Variants in ARHGAP35 observed in about 807,000 individuals in gnomAD.
The protein encoded by ARHGAP35 is rho GTPase-activating protein 35.
A neutral mutation model predicts 111.1 loss-of-function variants in ARHGAP35; 15 were observed. That is an observed-to-expected ratio of 0.13 (90% CI 0.09 to 0.21). The LOEUF (loss-of-function observed/expected upper bound fraction) is 0.21, where lower values mean the gene tolerates loss of function less well. Among genes scored for constraint, ARHGAP35 ranks in the 10% least tolerant of loss-of-function variants. The probability of loss-of-function intolerance (pLI) is 1.00; values close to 1 mark genes in which losing one functional copy is unlikely to be tolerated. For missense variants in ARHGAP35, 1,262 were observed against 1,873.0 expected (o/e 0.67, Z 6.02); for synonymous variants, 643 against 710.3 (o/e 0.91, Z 1.51).
chr19:46,935,840 T>A (rs931946370), intron 2 of ARHGAP35, among the ~76,000 whole-genome samples: 1 of 152,206 alleles, frequency 6.6e-6, no homozygotes, highest in Non-Finnish European at 1.5e-5. Flanking sequence ...TTAGAGTAAT[T>A]TTTTCTCCAT....
chr19:46,944,118 G>A (rs2056364869), intron 3 of ARHGAP35, among the ~76,000 whole-genome samples: 1 of 151,976 alleles, frequency 6.6e-6, no homozygotes, highest in African/African-American at 2.4e-5. Context: ...CTGGCAACAT[G>A]GTAAAATCCT....
At chr19:46,891,734 G>C (rs374909672) in intron 1 of ARHGAP35, among the ~76,000 whole-genome samples, 37 of 152,222 alleles carry the variant, frequency 2.4e-4, no homozygotes, top group African/African-American at 8.7e-4. Context: ...CAGGGCAAAG[G>C]TTCTTAATCC....
In ARHGAP35 at chr19:46,908,161, A is replaced by C. The variant is rs2056120409; in HGVS notation, c.-188-10327A>C. 6.6e-6 allele frequency among the ~76,000 whole-genome samples: 1 copy of C among 152,204 alleles called. No individual in the cohort carries two copies. The highest frequency in any genetic ancestry group is 1.5e-5 in the Non-Finnish European group (1 of 68,030). The stretch of plus-strand genomic sequence containing the variant: ...ATTTATATAGAGAATGTTCTTTCAA[A>C]AAGAACTTTTTTCCTAGTGAGAAGT... On this transcript the variant is annotated intron_variant, in intron 1 of 6. Coordinates refer to ENST00000672722, the MANE Select transcript of ARHGAP35 (RefSeq NM_004491.5). The surrounding 1 kb of genome is among the most constrained non-coding windows in gnomAD (Gnocchi z 4.2).
At position 47,001,539 on chromosome 19, in the gene ARHGAP35, G is replaced by T. The variant is rs1477200347; in HGVS notation, c.*851G>T. On this transcript the variant is annotated 3_prime_UTR_variant, in exon 7 of 7. Coordinates refer to ENST00000672722, the MANE Select transcript of ARHGAP35 (RefSeq NM_004491.5). This position sits in a 1 kb window ranked among gnomAD's most constrained non-coding sequence, Gnocchi z 5.4. The stretch of plus-strand genomic sequence containing the variant: ...TGTGGCAGCAAAACCAGGATGCCTG[G>T]AGCTGTGGCCTGAGGGCCTGCTGGG... 6.4e-6 allele frequency: 4 copies of T among 621,624 alleles called. No individual in the cohort carries two copies. Among genetic ancestry groups the T allele is most frequent in the Admixed American group, 3.1e-5 (1 of 32,648 alleles). The allele number at this position is 621,624 out of a possible 1,614,324, so 38.5% of individuals were successfully genotyped here. A position where few individuals can be genotyped will look rare whatever the true frequency, so the allele number is the denominator to read the frequency against.
chr19:46,984,902 A>G (rs968617867), intron 3 of ARHGAP35, among the ~76,000 whole-genome samples: 3 of 152,210 alleles, frequency 2.0e-5, no homozygotes, highest in Non-Finnish European at 4.4e-5. Context: ...GTCCCGCTGA[A>G]GGTCAGGGTC....
intron 1 of ARHGAP35, among the ~76,000 whole-genome samples, chr19:46,861,705 C>T (rs2055829013): frequency 6.6e-6 from 1 of 152,112 alleles, no homozygotes; most frequent in African/African-American, 2.4e-5. Context: ...CGATTCTGCT[C>T]TCACCACCCT....
chr19:46,928,869 T>C (rs912989793), intron 2 of ARHGAP35, among the ~76,000 whole-genome samples: 26 of 151,850 alleles, frequency 1.7e-4, no homozygotes, highest in African/African-American at 6.1e-4. Flanking sequence ...GAGGCAGATA[T>C]TGCAGTGAGC....
At chr19:46,957,644 G>A (rs907024172) in intron 3 of ARHGAP35, among the ~76,000 whole-genome samples, 4 of 152,190 alleles carry the variant, frequency 2.6e-5, no homozygotes, top group Admixed American at 6.5e-5. Context: ...TGTTAAATGT[G>A]TGGCTTAGAT....
Position 46,921,688 on chromosome 19 carries a change from C to T in ARHGAP35, c.3013C>T (p.Leu1005=), listed in dbSNP as rs147936819. Residue 1005 remains leucine, a synonymous_variant, in exon 2 of 7, where the codon CTG becomes TTG. Transcript: ENST00000672722. The surrounding 1 kb of genome is among the most constrained non-coding windows in gnomAD (Gnocchi z 4.3). The part of the protein sequence containing the change: ...LFREDTSLPS[L]SKDHSKLSME... ...TCGAGAAGACACATCACTGCCTTCTCTGTCCAAAGACCATTCTAAGCTCTC... is the reference window on the plus strand; with the variant it reads ...TCGAGAAGACACATCACTGCCTTCTTTGTCCAAAGACCATTCTAAGCTCTC... The T allele has an allele frequency of 1.2e-4, 186 of 1,614,012 alleles. No individual in the cohort carries two copies. In the African/African-American group the frequency reaches 2.3e-3, roughly 20 times the overall value.
intron 3 of ARHGAP35, among the ~76,000 whole-genome samples, chr19:46,950,420 A>G (rs2056404895): frequency 6.6e-6 from 1 of 152,234 alleles, no homozygotes; most frequent in South Asian, 2.1e-4. Flanking sequence ...ATATGTGTGC[A>G]CTTACATTGG....
chr19:46,937,858 C>G (rs1051005972), intron 3 of ARHGAP35, among the ~76,000 whole-genome samples: 8 of 152,162 alleles, frequency 5.3e-5, no homozygotes, highest in Admixed American at 4.6e-4. Flanking sequence ...GTTCGGATGC[C>G]TGAGACCCAT....
At chr19:46,903,644 T>C (rs2056091832) in intron 1 of ARHGAP35, among the ~76,000 whole-genome samples, 1 of 152,228 alleles carries the variant, frequency 6.6e-6, no homozygotes, top group Admixed American at 6.5e-5. Context: ...CCTGATTTCC[T>C]TCTTAAGTCC....
chr19:46,898,799 TGCTGCTGCTGCTGTTGGA>T (rs1355429335), intron 1 of ARHGAP35, among the ~76,000 whole-genome samples: 1 of 152,070 alleles, frequency 6.6e-6, no homozygotes, highest in Non-Finnish European at 1.5e-5. Flanking sequence ...CTGCTGCTGC[TGCTGCTGCTGCTGTTGGA>T]GCTGTATTGC....
intron 2 of ARHGAP35, among the ~76,000 whole-genome samples, chr19:46,935,310 C>G (rs1342692352): frequency 6.6e-6 from 1 of 152,216 alleles, no homozygotes; most frequent in African/African-American, 2.4e-5. Flanking sequence ...AGGTAGCAGG[C>G]TGAATGAAGA....
intron 3 of ARHGAP35, among the ~76,000 whole-genome samples, chr19:46,961,526 G>A (rs552997457): frequency 6.6e-6 from 1 of 152,188 alleles, no homozygotes; most frequent in African/African-American, 2.4e-5. Context: ...CCACAACATG[G>A]GTGAATCTCA....
In ARHGAP35 at chr19:46,919,044, C is replaced by T; in HGVS notation, c.369C>T (p.Thr123=). The change falls in exon 2 of 7, where the codon ACC becomes ACT. Residue 123 remains threonine (T), a synonymous_variant. Coordinates refer to ENST00000672722, the MANE Select transcript of ARHGAP35 (RefSeq NM_004491.5). The surrounding 1 kb of genome is among the most constrained non-coding windows in gnomAD (Gnocchi z 6.2). ...CCTATATCAAGAGAGCTGCTGCGAC[C>T]AAGCTTGCATCAGCTGAAAAACTCA... ...LQPYIKRAAA[T]KLASAEKLMY... 3 of 1,613,982 alleles carry T rather than the reference C, an allele frequency of 1.9e-6. No individual in the cohort carries two copies. The highest frequency in any genetic ancestry group is 2.5e-6 in the Non-Finnish European group (3 of 1,179,884).
intron 1 of ARHGAP35, among the ~76,000 whole-genome samples, chr19:46,864,785 G>C (rs985954935): frequency 6.6e-6 from 1 of 152,118 alleles, no homozygotes; most frequent in Admixed American, 6.5e-5. Context: ...TTTTAGCCTT[G>C]TGTGTCATGA....
rs553190908 is a variant in ARHGAP35, at chr19:46,862,637, C to G, written c.-189+1428C>G. 1.4e-4 allele frequency among the ~76,000 whole-genome samples: 22 copies of G among 152,278 alleles called. No homozygotes were observed. In the South Asian group the frequency reaches 3.7e-3, roughly 26 times the overall value. Reference sequence around the variant, plus strand: ...TTATTTAGTGTTTCCCTCCCCAGCTCGGCTCCTTCGGAGCTGTCCACTTGC... The same window carrying G: ...TTATTTAGTGTTTCCCTCCCCAGCTGGGCTCCTTCGGAGCTGTCCACTTGC... On this transcript the variant is annotated intron_variant, in intron 1 of 6. Transcript: ENST00000672722.
chr19:46,955,734 T>C (rs1336406830), intron 3 of ARHGAP35, among the ~76,000 whole-genome samples: 2 of 152,114 alleles, frequency 1.3e-5, no homozygotes, highest in Non-Finnish European at 2.9e-5. Context: ...AGCATTTAAA[T>C]AACACAAGCT....
Sources: allele counts gnomAD v4.1 joint callset (sites outside exome capture counted in the v4.1 genomes callset), GRCh38; gene constraint gnomAD v4.1.1; non-coding constraint Gnocchi (gnomAD v3.1); transcripts MANE v1.5; gene names NCBI Gene and HGNC (gene_info 2026-07-23, HGNC 2026-07-21).